Variants in MRC1 observed in about 807,000 individuals in gnomAD.
MRC1 encodes mannose receptor C-type 1.
Under a neutral mutation model 102.9 loss-of-function variants are expected in MRC1, and 62 were observed. The observed-to-expected ratio is 0.60, with a 90% CI of 0.49 to 0.74. The LOEUF is 0.74. Ranked by LOEUF, MRC1 falls within the 30% of genes least tolerant of loss-of-function variation. The probability of loss-of-function intolerance (pLI) is 0.00; values close to 1 mark genes in which losing one functional copy is unlikely to be tolerated. For synonymous variants in MRC1, 457 were observed against 298.4 expected, an observed-to-expected ratio of 1.53 and a Z score of -5.48; for missense variants, 1,237 against 862.8, an observed-to-expected ratio of 1.43 and a Z score of -5.43.
chr10:17,812,120 A>G (rs1838232434), intron 1 of MRC1, among the ~76,000 whole-genome samples: 1 of 152,092 alleles, frequency 6.6e-6, no homozygotes, highest in African/African-American at 2.4e-5. Flanking sequence ...ATCCCACAGC[A>G]TTAGCACCAT....
At chr10:17,904,527 T>G (rs2130722350) in intron 26 of MRC1, among the ~76,000 whole-genome samples, 1 of 152,344 alleles carries the variant, frequency 6.6e-6, no homozygotes, top group East Asian at 1.9e-4. Context: ...CTCACAGATT[T>G]TAAGACTTTC....
chr10:17,878,058 AT>A, intron 18 of MRC1, 91 bp downstream of exon 18: 2 of 786,224 alleles, frequency 2.5e-6, no homozygotes, highest in South Asian at 2.9e-5. Context: ...TGTGGAATGC[AT>A]TTTTAAAAAT....
chr10:17,878,945 G>A (rs1465469791), intron 18 of MRC1, among the ~76,000 whole-genome samples: 4 of 152,244 alleles, frequency 2.6e-5, no homozygotes, highest in African/African-American at 7.2e-5. Flanking sequence ...TCCCCTTCTG[G>A]CTCTCACAGT....
intron 1 of MRC1, among the ~76,000 whole-genome samples, chr10:17,821,463 A>G (rs1240784569): frequency 6.6e-6 from 1 of 152,116 alleles, no homozygotes; most frequent in South Asian, 2.1e-4. Flanking sequence ...CTTGGTACCC[A>G]GATATTTGAT....
At chr10:17,817,750 T>C (rs1838334539) in intron 1 of MRC1, among the ~76,000 whole-genome samples, 1 of 152,198 alleles carries the variant, frequency 6.6e-6, no homozygotes, top group East Asian at 1.9e-4. Context: ...ATCTTTGCCG[T>C]ATTTCTGTTA....
chr10:17,879,057 A>G (rs1470065106), intron 18 of MRC1, among the ~76,000 whole-genome samples: 2 of 152,166 alleles, frequency 1.3e-5, no homozygotes, highest in Non-Finnish European at 2.9e-5. Context: ...GAGAAATTCT[A>G]TACACTCTGC....
At chr10:17,822,654 G>A (rs1425538607) in intron 1 of MRC1, among the ~76,000 whole-genome samples, 1 of 152,096 alleles carries the variant, frequency 6.6e-6, no homozygotes, top group Non-Finnish European at 1.5e-5. Context: ...ACCTTTTCTA[G>A]GACATACATG....
intron 8 of MRC1, among the ~76,000 whole-genome samples, chr10:17,854,501 A>G (rs1052635651): frequency 4.2e-4 from 64 of 152,234 alleles, no homozygotes; most frequent in African/African-American, 1.5e-3. Context: ...GGTTGAAATC[A>G]TGAAGTCAGA....
rs1392561290 is a variant in MRC1, at chr10:17,902,893, T to A, written c.3799+771T>A. Among the ~76,000 whole-genome samples the A allele has an allele frequency of 2.0e-5, 3 of 152,336 alleles. No homozygotes were observed. In the East Asian group the frequency reaches 5.8e-4, roughly 29 times the overall value. ...GTTTGCTTTGTCAGTTTTTGATTCATGTACTTTGGGGCCCTGTTGTTAGGT... is the reference window on the plus strand; with the variant it reads ...GTTTGCTTTGTCAGTTTTTGATTCAAGTACTTTGGGGCCCTGTTGTTAGGT... On this transcript the variant is annotated intron_variant, in intron 26 of 29. Coordinates refer to ENST00000569591, the MANE Select transcript of MRC1 (RefSeq NM_002438.4).
At chr10:17,820,055 C>G (rs907866362) in intron 1 of MRC1, among the ~76,000 whole-genome samples, 3 of 152,168 alleles carry the variant, frequency 2.0e-5, no homozygotes, top group African/African-American at 7.2e-5. Flanking sequence ...TTAAGATCTT[C>G]GCCTGACTGG....
chr10:17,859,118 G>A (rs1833141302), intron 9 of MRC1, among the ~76,000 whole-genome samples: 1 of 151,976 alleles, frequency 6.6e-6, no homozygotes, highest in Non-Finnish European at 1.5e-5. Context: ...CATTGCTATG[G>A]TTTTCTTTTA....
intron 12 of MRC1, among the ~76,000 whole-genome samples, chr10:17,867,385 T>TCTC (rs1209680815): frequency 2.9e-4 from 38 of 131,170 alleles, no homozygotes; most frequent in South Asian, 5.1e-4. Flanking sequence ...TTCTTCTTCT[T>TCTC]CTCCTTCTTC....
chr10:17,889,492 T>C lies in MRC1; in HGVS notation c.3147+4057T>C, dbSNP rs1006603744. Among the ~76,000 whole-genome samples the C allele has an allele frequency of 1.7e-3, 252 of 152,304 alleles. 1 individual carries two copies. The highest frequency in any genetic ancestry group is 3.1e-3 in the Admixed American group (48 of 15,296). On this transcript the variant is annotated intron_variant, in intron 22 of 29. Coordinates refer to ENST00000569591, the MANE Select transcript of MRC1 (RefSeq NM_002438.4). The stretch of plus-strand genomic sequence containing the variant: ...TGTTACCCAGGCTGGTCTTGAACTC[T>C]TGGGCTCGGGCAATCCTCCTACCTT...
intron 10 of MRC1, among the ~76,000 whole-genome samples, chr10:17,862,681 G>A (rs982106592): frequency 2.0e-5 from 3 of 152,126 alleles, no homozygotes; most frequent in Non-Finnish European, 4.4e-5. Context: ...TTTGTTTAGG[G>A]AATGAAATTA....
At chr10:17,874,398 G>A (rs1273469393) in intron 16 of MRC1, among the ~76,000 whole-genome samples, 4 of 152,014 alleles carry the variant, frequency 2.6e-5, no homozygotes, top group Non-Finnish European at 4.4e-5. Context: ...ATCTCCCTCC[G>A]CCCCTCTGCA....
chr10:17,900,695 G>A (rs1833817510), intron 24 of MRC1, 93 bp from the exon 25 acceptor site: 1 of 775,662 alleles, frequency 1.3e-6, no homozygotes, highest in Admixed American at 1.7e-5. Flanking sequence ...TCAAATCATG[G>A]TCTTAAATAT....
chr10:17,819,206 C>G (rs1838358941), intron 1 of MRC1, among the ~76,000 whole-genome samples: 1 of 152,112 alleles, frequency 6.6e-6, no homozygotes, highest in Non-Finnish European at 1.5e-5. Flanking sequence ...AGAAAGAGAT[C>G]TCACTCTTGT....
chr10:17,836,882 A>G (rs552515315), intron 4 of MRC1, among the ~76,000 whole-genome samples: 18 of 152,136 alleles, frequency 1.2e-4, no homozygotes, highest in Non-Finnish European at 2.5e-4. Context: ...GAAAGAAAAT[A>G]TATCAGAGGT....
chr10:17,845,121 C>T (rs374893762), intron 5 of MRC1, 168 bp from the exon 6 acceptor site: 37 of 778,612 alleles, frequency 4.8e-5, no homozygotes, highest in Middle Eastern at 2.3e-4. Flanking sequence ...AGACACCCAT[C>T]GTGTCTTTTG....
Sources: allele counts gnomAD v4.1 joint callset (sites outside exome capture counted in the v4.1 genomes callset), GRCh38; gene constraint gnomAD v4.1.1; transcripts MANE v1.5; gene names NCBI Gene and HGNC (gene_info 2026-07-23, HGNC 2026-07-21).